The following GM2A variants were observed in gnomAD, a reference collection of about 807,000 sequenced individuals.
The protein encoded by GM2A is ganglioside GM2 activator.
Under a neutral mutation model 12.9 loss-of-function variants are expected in GM2A, and 7 were observed. The observed-to-expected ratio is 0.54, with a 90% confidence interval of 0.31 to 1.02. The LOEUF is 1.02. Ranked by LOEUF, GM2A falls within the 50% of genes least tolerant of loss-of-function variation. The pLI is 0.05. For synonymous variants in GM2A, 101 were observed against 96.0 expected, an observed-to-expected ratio of 1.05 and a Z score of -0.30; for missense variants, 246 against 241.0, an observed-to-expected ratio of 1.02 and a Z score of -0.14.
intron 2 of GM2A, among the ~76,000 whole-genome samples, chr5:151,264,896 C>T (rs749407165): frequency 9.9e-5 from 15 of 151,808 alleles, no homozygotes; most frequent in Admixed American, 4.6e-4. Context: ...ACAGGAGAAT[C>T]GCTTGAACGC....
Position 151,253,226 on chromosome 5 carries a change from C to A in GM2A, c.10C>A (p.Leu4Met). 1 of 1,613,906 alleles carries A rather than the reference C, an allele frequency of 6.2e-7. No homozygotes were observed. Among genetic ancestry groups the A allele is most frequent in the Non-Finnish European group, 8.5e-7 (1 of 1,179,794 alleles). ...TGACCCACCCTTCCCGATGCAGTCCCTGATGCAGGCTCCCCTCCTGATCGC... is the reference window on the plus strand; with the variant it reads ...TGACCCACCCTTCCCGATGCAGTCCATGATGCAGGCTCCCCTCCTGATCGC... The part of the protein sequence containing the change: MQS[L>M]MQAPLLIALG... Residue 4 changes from leucine (L) to methionine (M), a missense_variant, in exon 1 of 4, where the codon CTG becomes ATG. Physicochemically the swap from Leu to Met is conservative, Grantham distance 15. Coordinates refer to ENST00000357164, the MANE Select transcript of GM2A (RefSeq NM_000405.5).
At chr5:151,266,987 TTC>T in intron 3 of GM2A, 74 bp downstream of exon 3, 1 of 1,195,376 alleles carries the variant, frequency 8.4e-7, no homozygotes, top group South Asian at 1.2e-5. Context: ...GGTCTTTGCA[TTC>T]TCCTTCTGCA....
chr5:151,268,094 A>C lies in GM2A; in HGVS notation c.*643A>C. ...ACTCAGGTACCCGCAGGGCCTAGCA[A>C]GAGACTTAAATGACTGATAAGAACC... On this transcript the variant is annotated 3_prime_UTR_variant, in exon 4 of 4. Coordinates refer to ENST00000357164, the MANE Select transcript of GM2A (RefSeq NM_000405.5). 4.0e-6 allele frequency: 4 copies of C among 992,552 alleles called. No individual in the cohort carries two copies. The highest frequency in any genetic ancestry group is 4.8e-6 in the Non-Finnish European group (4 of 834,068). The allele number at this position is 992,552 out of a possible 1,614,324, so 61.5% of individuals were successfully genotyped here. A position where few individuals can be genotyped will look rare whatever the true frequency, so the allele number is the denominator to read the frequency against.
chr5:151,266,867 A>G lies in GM2A; in HGVS notation c.380A>G (p.Glu127Gly). The G allele has an allele frequency of 1.9e-6, 3 of 1,613,978 alleles. No homozygotes were observed. Among genetic ancestry groups the G allele is most frequent in the Non-Finnish European group, 2.5e-6 (3 of 1,179,860 alleles). Residue 127 changes from glutamate to glycine, a missense_variant, in exon 3 of 4, where the codon GAG becomes GGG. Transcript: ENST00000357164. ...ATTCCTACTGGGGAGCCCTGCCCAG[A>G]GCCCCTGCGTACCTATGGGCTTCCT... is the stretch of plus-strand genomic sequence containing the variant. ...MLIPTGEPCP[E>G]PLRTYGLPCH...
intron 1 of GM2A, among the ~76,000 whole-genome samples, chr5:151,255,471 G>A (rs1470921713): frequency 6.6e-6 from 1 of 152,152 alleles, no homozygotes; most frequent in African/African-American, 2.4e-5. Flanking sequence ...GTAGGGGAAA[G>A]CGGGTGATAC....
chr5:151,267,609 A>ATT lies in GM2A; in HGVS notation c.*161_*162dup. On this transcript the variant is annotated 3_prime_UTR_variant, in exon 4 of 4. Transcript: ENST00000357164. The stretch of plus-strand genomic sequence containing the variant: ...CTGAAAATCATTTTGTACCACTTAC[A>ATT]TTTTAGGCTGGGGCAAGCAGCCCTG... 3.3e-6 allele frequency: 5 copies of ATT among 1,529,404 alleles called. No individual in the cohort carries two copies. The highest frequency in any genetic ancestry group is 4.4e-6 in the Non-Finnish European group (5 of 1,141,640). The allele number at this position is 1,529,404 out of a possible 1,614,324, so 94.7% of individuals were successfully genotyped here.
At chr5:151,266,176 C>G (rs991715198) in intron 2 of GM2A, among the ~76,000 whole-genome samples, 1 of 152,126 alleles carries the variant, frequency 6.6e-6, no homozygotes, top group Non-Finnish European at 1.5e-5. Context: ...TAGTGACTAC[C>G]TAAAGAATTC....
intron 2 of GM2A, among the ~76,000 whole-genome samples, chr5:151,265,054 C>G (rs1316150877): frequency 6.6e-6 from 1 of 151,712 alleles, no homozygotes; most frequent in Non-Finnish European, 1.5e-5. Context: ...CACAATAAAA[C>G]TAGGAAGTGG....
intron 2 of GM2A, among the ~76,000 whole-genome samples, chr5:151,262,358 A>T (rs1375527029): frequency 6.6e-6 from 1 of 152,190 alleles, no homozygotes; most frequent in Non-Finnish European, 1.5e-5. Context: ...TGTTTCTATC[A>T]TTATCCTTAG....
rs1458978501 is a variant in GM2A at position 151,270,374 on chromosome 5, C to CT, written c.*2925dup. ...TGACTACATGAAGATAATAAAAATG[C>CT]TTAGTAAAAACACAATAAAATCAAA... is the stretch of plus-strand genomic sequence containing the variant. On this transcript the variant is annotated 3_prime_UTR_variant, in exon 4 of 4. Transcript: ENST00000357164. The CT allele has an allele frequency of 2.5e-6, 1 of 398,470 alleles. No individual in the cohort carries two copies. The highest frequency in any genetic ancestry group is 2.1e-5 in the African/African-American group (1 of 48,582). The allele number at this position is 398,470 out of a possible 1,614,324, so 24.7% of individuals were successfully genotyped here.
Position 151,267,807 on chromosome 5 carries a change from CTTTCACTCTT to C in GM2A, c.*360_*369del. On this transcript the variant is annotated 3_prime_UTR_variant, in exon 4 of 4. Transcript: ENST00000357164. ...CTGAAGAATCTTTATGACTCTCTCT[CTTTCACTCTT>C]TTTTTTTTTTGTCACTAAGTTAAAA... 1.7e-6 allele frequency: 2 copies of C among 1,167,690 alleles called. No homozygotes were observed. Among genetic ancestry groups the C allele is most frequent in the South Asian group, 3.4e-5 (2 of 58,138 alleles). The allele number at this position is 1,167,690 out of a possible 1,614,324, so 72.3% of individuals were successfully genotyped here. A position where few individuals can be genotyped will look rare whatever the true frequency, so the allele number is the denominator to read the frequency against.
At chr5:151,257,247 T>G (rs910996493) in intron 1 of GM2A, among the ~76,000 whole-genome samples, 3 of 152,074 alleles carry the variant, frequency 2.0e-5, no homozygotes, top group African/African-American at 7.2e-5. Flanking sequence ...TACACCTCCC[T>G]TCCCTGATGA....
chr5:151,258,033 A>G (rs541916993), intron 1 of GM2A, among the ~76,000 whole-genome samples: 2 of 152,360 alleles, frequency 1.3e-5, no homozygotes, highest in South Asian at 4.1e-4. Flanking sequence ...CACTTAGCCC[A>G]GGGCCTATCA....
In GM2A at chr5:151,268,138, C is replaced by A. The variant is rs143552628; in HGVS notation, c.*687C>A. The A allele has an allele frequency of 3.5e-4, 339 of 981,168 alleles. 1 individual carries two copies. In the African/African-American group the frequency reaches 5.5e-3, roughly 16 times the overall value. 60.8% of individuals were successfully genotyped at this position (981,168 alleles called of 1,614,324 possible). ...AAGAACCGTGAGAAACATGTTGCTT[C>A]CAGGCTTGATTTCGATTTTTCGCTT... On this transcript the variant is annotated 3_prime_UTR_variant, in exon 4 of 4. Coordinates refer to ENST00000357164, the MANE Select transcript of GM2A (RefSeq NM_000405.5).
At position 151,270,430 on chromosome 5, in the gene GM2A, T is replaced by C. The variant is rs1753986651; in HGVS notation, c.*2979T>C. ...GGGAGAAAAATTTATCCAGCCTATA[T>C]AATAGACAAACAGTTAGTGTTCTTA... On this transcript the variant is annotated 3_prime_UTR_variant, in exon 4 of 4. Transcript: ENST00000357164. 1 of 398,374 alleles carries C rather than the reference T, an allele frequency of 2.5e-6. No individual in the cohort carries two copies. The highest frequency in any genetic ancestry group is 4.4e-6 in the Non-Finnish European group (1 of 226,036). The allele number at this position is 398,374 out of a possible 1,614,324, so 24.7% of individuals were successfully genotyped here. A position where few individuals can be genotyped will look rare whatever the true frequency, so the allele number is the denominator to read the frequency against.
At position 151,266,748 on chromosome 5, in the gene GM2A, G is replaced by A. The variant is rs201066568; in HGVS notation, c.261G>A (p.Glu87=). The A allele has an allele frequency of 1.0e-4, 163 of 1,613,642 alleles. No individual in the cohort carries two copies. The highest frequency in any genetic ancestry group is 1.1e-4 in the Non-Finnish European group (135 of 1,179,710). The change falls in exon 3 of 4, where the codon GAG becomes GAA. Residue 87 remains glutamate (E), a synonymous_variant. Transcript: ENST00000357164. The part of the protein sequence containing the change: ...SSPLKVDLVL[E]KEVAGLWIKI... The stretch of plus-strand genomic sequence containing the variant: ...TTTACCAGGTGGATTTAGTTTTGGA[G>A]AAGGAGGTGGCTGGCCTCTGGATCA...
chr5:151,258,410 A>G (rs1472058648), intron 1 of GM2A, among the ~76,000 whole-genome samples: 1 of 152,214 alleles, frequency 6.6e-6, no homozygotes, highest in Non-Finnish European at 1.5e-5. Flanking sequence ...TGGCCTATAA[A>G]ATCACATGGT....
At chr5:151,257,921 G>A (rs1468900552) in intron 1 of GM2A, among the ~76,000 whole-genome samples, 1 of 152,198 alleles carries the variant, frequency 6.6e-6, no homozygotes, top group Non-Finnish European at 1.5e-5. Context: ...TTTCCTTTGT[G>A]GCACTCACAA....
chr5:151,258,988 C>T (rs1753744557), intron 1 of GM2A, among the ~76,000 whole-genome samples: 1 of 151,968 alleles, frequency 6.6e-6, no homozygotes, highest in Non-Finnish European at 1.5e-5. Flanking sequence ...GAGTGGTGGT[C>T]ACATGCAGTC....
Sources: gnomAD v4.1 joint callset for allele counts (sites outside exome capture counted in the v4.1 genomes callset) on GRCh38, gnomAD v4.1.1 for gene constraint, MANE v1.5 for transcripts, NCBI Gene and HGNC (gene_info 2026-07-23, HGNC 2026-07-21) for gene names.